The following PIGF variants were observed in gnomAD, a reference collection of about 807,000 sequenced individuals.
PIGF encodes phosphatidylinositol glycan anchor biosynthesis class F.
Under a neutral mutation model 26.0 loss-of-function variants are expected in PIGF, and 23 were observed. The ratio of observed to expected loss-of-function variants is 0.88; its 90% CI spans 0.64 to 1.25. The LOEUF (loss-of-function observed/expected upper bound fraction) is 1.25, where lower values mean the gene tolerates loss of function less well. Ranked by LOEUF, PIGF falls within the 50% of genes most tolerant of loss-of-function variation. The pLI is 0.00. For missense variants in PIGF, 278 were observed against 249.9 expected, an observed-to-expected ratio of 1.11 and a Z score of -0.76; for synonymous variants, 93 against 92.6, an observed-to-expected ratio of 1.00 and a Z score of -0.03.
chr2:46,591,722 G>T, intron 5 of PIGF: 1 of 1,126,932 alleles, frequency 8.9e-7, no homozygotes. Context: ...ATCACTGTAA[G>T]TTCAGTGACC....
chr2:46,584,831 T>C (rs946686267), intron 5 of PIGF, among the ~76,000 whole-genome samples: 1 of 152,148 alleles, frequency 6.6e-6, no homozygotes, highest in Non-Finnish European at 1.5e-5. Context: ...AAATAGATTA[T>C]CAAAATAGGG....
intron 1 of PIGF, chr2:46,616,272 G>C (rs1449905964): frequency 6.6e-6 from 1 of 152,310 alleles, no homozygotes; most frequent in African/African-American, 2.4e-5. Flanking sequence ...AAAGCAAACG[G>C]ATGGCAAGAA....
intron 5 of PIGF, among the ~76,000 whole-genome samples, chr2:46,584,499 C>A (rs1409407571): frequency 2.0e-5 from 3 of 152,176 alleles, no homozygotes; most frequent in Non-Finnish European, 2.9e-5. Context: ...CAAACACATA[C>A]ATACCACCAC....
intron 5 of PIGF, among the ~76,000 whole-genome samples, chr2:46,587,239 A>T (rs1010067800): frequency 6.6e-6 from 1 of 152,212 alleles, no homozygotes; most frequent in Non-Finnish European, 1.5e-5. Context: ...ATACCAATTA[A>T]CGTAAAAACC....
chr2:46,609,211 G>A (rs993384700), intron 4 of PIGF, among the ~76,000 whole-genome samples: 5 of 152,216 alleles, frequency 3.3e-5, no homozygotes, highest in African/African-American at 1.2e-4. Flanking sequence ...TGATGGCGAT[G>A]GCCTCTTTCC....
At chr2:46,596,191 C>T (rs1035523367) in intron 4 of PIGF, among the ~76,000 whole-genome samples, 5 of 144,864 alleles carry the variant, frequency 3.5e-5, no homozygotes, top group Non-Finnish European at 7.5e-5. Flanking sequence ...TCCAGCCTGG[C>T]GACAGAGCGA....
At chr2:46,595,893 C>T (rs17035361) in intron 4 of PIGF, among the ~76,000 whole-genome samples, 14 of 151,912 alleles carry the variant, frequency 9.2e-5, no homozygotes, top group South Asian at 2.1e-4. Context: ...TTTCAATCAA[C>T]GCAACTTTAC....
chr2:46,597,106 T>C lies in PIGF; in HGVS notation c.438-4523A>G, dbSNP rs557599323. 2.2e-4 allele frequency among the ~76,000 whole-genome samples: 34 copies of C among 152,346 alleles called. 1 individual carries two copies. The South Asian group carries it at 7.0e-3, about 32-fold the overall frequency. On this transcript the variant is annotated intron_variant, in intron 4 of 5. Coordinates refer to ENST00000281382, the MANE Select transcript of PIGF (RefSeq NM_002643.4). ...TCTTTTTGGAGCCACCTAGGACTGC[T>C]GCAAAACTGCTGTGCTGTGGGGTCC... is the stretch of plus-strand genomic sequence containing the variant.
Position 46,589,557 on chromosome 2 carries a change from TC to T in PIGF, c.546+2917del, listed in dbSNP as rs1669668879. On this transcript the variant is annotated intron_variant, in intron 5 of 5. Transcript: ENST00000281382. This position sits in a 1 kb window ranked among gnomAD's most constrained non-coding sequence, Gnocchi z 4.7. ...AATTGCTTAACCAGATATTCCTGTT[TC>T]TCTGACTGGAATATAAATAAAACCA... 6.6e-6 allele frequency among the ~76,000 whole-genome samples: 1 copy of T among 151,900 alleles called. No homozygotes were observed. Among genetic ancestry groups the T allele is most frequent in the African/African-American group, 2.4e-5 (1 of 41,378 alleles).
chr2:46,591,854 G>C, intron 5 of PIGF: 1 of 1,303,054 alleles, frequency 7.7e-7, no homozygotes, highest in Non-Finnish European at 1.0e-6. Context: ...GATACAAGAC[G>C]AAAAATCTGA....
intron 4 of PIGF, among the ~76,000 whole-genome samples, chr2:46,611,309 C>A (rs1052810122): frequency 6.6e-6 from 1 of 151,880 alleles, no homozygotes; most frequent in Non-Finnish European, 1.5e-5. Flanking sequence ...TGTGGTGAAA[C>A]CCTGTCTCTA....
intron 3 of PIGF, among the ~76,000 whole-genome samples, chr2:46,612,992 C>T (rs1460368031): frequency 2.0e-5 from 3 of 151,678 alleles, no homozygotes; most frequent in Non-Finnish European, 2.9e-5. Flanking sequence ...TCTCTCCCAT[C>T]TAGAAAAGAA....
At position 46,581,363 on chromosome 2, in the gene PIGF, A is replaced by G; in HGVS notation, c.*115T>C. 1 of 1,449,578 alleles carries G rather than the reference A, an allele frequency of 6.9e-7. No individual in the cohort carries two copies. Among genetic ancestry groups the G allele is most frequent in the Non-Finnish European group, 9.2e-7 (1 of 1,084,250 alleles). The allele number at this position is 1,449,578 out of a possible 1,614,324, so 89.8% of individuals were successfully genotyped here. A position where few individuals can be genotyped will look rare whatever the true frequency, so the allele number is the denominator to read the frequency against. ...TAGTTTAAAAAGCTACAATCACATCATGTTGTAACTACGTAAAAAACAGAG... is the reference window on the plus strand; with the variant it reads ...TAGTTTAAAAAGCTACAATCACATCGTGTTGTAACTACGTAAAAAACAGAG... On this transcript the variant is annotated 3_prime_UTR_variant, in exon 6 of 6. Transcript: ENST00000281382.
At chr2:46,581,924 A>T (rs1298540489) in intron 5 of PIGF, 1 of 183,430 alleles carries the variant, frequency 5.5e-6, no homozygotes, top group Non-Finnish European at 1.1e-5. Flanking sequence ...CTAGTTGGTA[A>T]TTTTTTTTTT....
At chr2:46,594,939 C>A (rs1191366431) in intron 4 of PIGF, among the ~76,000 whole-genome samples, 1 of 151,796 alleles carries the variant, frequency 6.6e-6, no homozygotes, top group African/African-American at 2.4e-5. Flanking sequence ...CAACGTCCGC[C>A]TCCCGGATTC....
chr2:46,594,097 T>C (rs896643111), intron 4 of PIGF, among the ~76,000 whole-genome samples: 2 of 152,246 alleles, frequency 1.3e-5, no homozygotes, highest in South Asian at 2.1e-4. Context: ...CTTTTTCAAC[T>C]AGCATTCAAT....
At chr2:46,615,463 T>A (rs368212285) in intron 1 of PIGF, 36 of 234,424 alleles carry the variant, frequency 1.5e-4, no homozygotes, top group African/African-American at 8.0e-4. Context: ...AAGGGTCATG[T>A]CCTAGGACCA....
At chr2:46,583,136 G>A (rs1433907191) in intron 5 of PIGF, 1 of 152,116 alleles carries the variant, frequency 6.6e-6, no homozygotes, top group African/African-American at 2.4e-5. Context: ...GGGGATTTAT[G>A]AGGATTTTTT....
At position 46,592,592 on chromosome 2, in the gene PIGF, C is replaced by A. The variant is rs1015043180; in HGVS notation, c.438-9G>T. ...CCCATATGGATGTAACTCTGTGAAA[C>A]ACAAATTGGTACATCGTTGGTGGTA... On this transcript the variant is annotated splice_polypyrimidine_tract_variant and intron_variant, in intron 4 of 5. Coordinates refer to ENST00000281382, the MANE Select transcript of PIGF (RefSeq NM_002643.4). 2.1e-6 allele frequency: 3 copies of A among 1,413,396 alleles called. No individual in the cohort carries two copies. In the African/African-American group the frequency reaches 4.2e-5, roughly 20 times the overall value. The allele number at this position is 1,413,396 out of a possible 1,614,324, so 87.6% of individuals were successfully genotyped here. A position where few individuals can be genotyped will look rare whatever the true frequency, so the allele number is the denominator to read the frequency against.
Sources: gnomAD v4.1 joint callset for allele counts (sites outside exome capture counted in the v4.1 genomes callset) on GRCh38, gnomAD v4.1.1 for gene constraint, Gnocchi (gnomAD v3.1) non-coding constraint, MANE v1.5 for transcripts, NCBI Gene and HGNC (gene_info 2026-07-23, HGNC 2026-07-21) for gene names.